BACE2: variants seen among roughly 807,000 people sequenced by gnomAD.
The protein encoded by BACE2 is 56 kDa aspartic-like protease.
Under a neutral mutation model 46.2 loss-of-function variants are expected in BACE2, and 17 were observed. The ratio of observed to expected loss-of-function variants is 0.37; its 90% CI spans 0.25 to 0.55. The LOEUF (loss-of-function observed/expected upper bound fraction) is 0.55, where lower values mean the gene tolerates loss of function less well. Ranked by LOEUF, BACE2 falls within the 20% of genes least tolerant of loss-of-function variation. The pLI is 0.82. For missense variants in BACE2, 595 were observed against 698.1 expected (o/e 0.85, Z 1.66); for synonymous variants, 277 against 295.9 (o/e 0.94, Z 0.66).
intron 1 of BACE2, among the ~76,000 whole-genome samples, chr21:41,210,124 G>A (rs1475274973): frequency 2.0e-5 from 3 of 151,834 alleles, no homozygotes; most frequent in African/African-American, 7.3e-5. Context: ...TTCTTAAAAC[G>A]GGCCTCCTAC....
intron 1 of BACE2, among the ~76,000 whole-genome samples, chr21:41,221,678 A>C (rs1169020649): frequency 2.6e-5 from 4 of 152,024 alleles, no homozygotes; most frequent in Admixed American, 2.6e-4. Flanking sequence ...ATACAAAAAA[A>C]TTAGCTGGGC....
chr21:41,240,822 A>G (rs1987263780), intron 3 of BACE2, among the ~76,000 whole-genome samples: 2 of 152,344 alleles, frequency 1.3e-5, no homozygotes, highest in Middle Eastern at 6.8e-3. Flanking sequence ...GACTACACCA[A>G]TGGGAAGATC....
chr21:41,257,170 C>T lies in BACE2; in HGVS notation c.1147C>T (p.Pro383Ser), dbSNP rs1188645137. ...CTCCGACAAACAGCTTTACATTCAG[C>T]CCATGATGGGGGCCGGCCTGAATTA... is the stretch of plus-strand genomic sequence containing the variant. ...ITILPQLYIQ[P>S]MMGAGLNYEC... The change falls in exon 8 of 9, where the codon CCC (proline) becomes TCC (serine). Residue 383 changes from proline to serine, a missense_variant. Pro to Ser is a moderately conservative substitution (Grantham distance 74). Around this residue, in one of 3 missense-constraint regions of BACE2, gnomAD observed 343 missense variants for 419.4 expected, o/e 0.82. Transcript: ENST00000330333. 2.5e-6 allele frequency: 4 copies of T among 1,614,034 alleles called. No homozygotes were observed. Among genetic ancestry groups the T allele is most frequent in the Non-Finnish European group, 3.4e-6 (4 of 1,180,028 alleles).
intron 1 of BACE2, among the ~76,000 whole-genome samples, chr21:41,224,209 AT>A (rs10658440): frequency 0.052 from 5,140 of 98,670 alleles, 167 homozygotes; most frequent in African/African-American, 0.19. Context: ...GCCTATTTTG[AT>A]TTTTTTTTTT....
At chr21:41,246,108 A>G in intron 6 of BACE2, 45 bp downstream of exon 6, 1 of 1,487,786 alleles carries the variant, frequency 6.7e-7, no homozygotes, top group Non-Finnish European at 9.2e-7. Flanking sequence ...GCTGAGTTAC[A>G]GTCACCTGCT....
chr21:41,258,619 C>G (rs977276759), intron 8 of BACE2, among the ~76,000 whole-genome samples: 4 of 152,102 alleles, frequency 2.6e-5, no homozygotes, highest in African/African-American at 7.2e-5. Flanking sequence ...AGCAGAGTGG[C>G]CTTTCAGAAA....
chr21:41,273,947 C>T (rs750154459), intron 8 of BACE2, among the ~76,000 whole-genome samples: 9 of 152,236 alleles, frequency 5.9e-5, no homozygotes, highest in Admixed American at 2.0e-4. Context: ...CTTCCCGCAA[C>T]AGAAACCTAA....
chr21:41,200,210 A>AC (rs1288365611), intron 1 of BACE2, among the ~76,000 whole-genome samples: 3 of 150,704 alleles, frequency 2.0e-5, no homozygotes, highest in Admixed American at 6.6e-5. Context: ...AACAAAAAAA[A>AC]AACCCAAAAC....
At chr21:41,200,188 A>AT (rs1202915439) in intron 1 of BACE2, among the ~76,000 whole-genome samples, 2 of 149,072 alleles carry the variant, frequency 1.3e-5, no homozygotes, top group South Asian at 2.1e-4. Context: ...TTCAAGTATA[A>AT]TTAAAAAAAA....
intron 6 of BACE2, 43 bp from the exon 7 acceptor site, chr21:41,250,709 G>A: frequency 1.2e-6 from 2 of 1,603,914 alleles, no homozygotes; most frequent in South Asian, 2.2e-5. Flanking sequence ...CTGTTGACGT[G>A]CCAGACTAGT....
intron 1 of BACE2, among the ~76,000 whole-genome samples, chr21:41,221,044 TAA>T (rs59801748): frequency 0.014 from 1,893 of 132,720 alleles, 41 homozygotes; most frequent in African/African-American, 0.048. Flanking sequence ...AAAAGTATAT[TAA>T]AAAAAAAAAA....
chr21:41,188,415 C>G (rs1213764705), intron 1 of BACE2, among the ~76,000 whole-genome samples: 1 of 152,128 alleles, frequency 6.6e-6, no homozygotes, highest in Non-Finnish European at 1.5e-5. Context: ...TGCAAACCAC[C>G]CCAGAGTCCA....
At chr21:41,235,400 T>A (rs559125465) in intron 2 of BACE2, among the ~76,000 whole-genome samples, 1 of 152,382 alleles carries the variant, frequency 6.6e-6, no homozygotes, top group East Asian at 1.9e-4. Flanking sequence ...TTTGCTGTTA[T>A]ACATAAAACA....
At position 41,281,682 on chromosome 21, in the gene BACE2, A is replaced by G. The variant is rs1381561802; in HGVS notation, c.*6058A>G. ...AAACATTAAAAGATTATCTCTTTTTAAGATGGAGGAAAAAAAGTGAACAAA... is the reference window on the plus strand; with the variant it reads ...AAACATTAAAAGATTATCTCTTTTTGAGATGGAGGAAAAAAAGTGAACAAA... On this transcript the variant is annotated 3_prime_UTR_variant, in exon 9 of 9. Coordinates refer to ENST00000330333, the MANE Select transcript of BACE2 (RefSeq NM_012105.5). 1 of 152,244 alleles carries G rather than the reference A, an allele frequency of 6.6e-6. No homozygotes were observed. Among genetic ancestry groups the G allele is most frequent in the Admixed American group, 6.5e-5 (1 of 15,292 alleles). 9.4% of individuals were successfully genotyped at this position (152,244 alleles called of 1,614,324 possible).
chr21:41,215,018 C>G (rs1238828987), intron 1 of BACE2, among the ~76,000 whole-genome samples: 1 of 152,160 alleles, frequency 6.6e-6, no homozygotes, highest in African/African-American at 2.4e-5. Context: ...TGGTCACTTG[C>G]GGCCAGCACT....
chr21:41,170,652 T>C (rs1209927569), intron 1 of BACE2, among the ~76,000 whole-genome samples: 4 of 152,216 alleles, frequency 2.6e-5, no homozygotes, highest in Non-Finnish European at 4.4e-5. Context: ...AGGTGACTTC[T>C]GAACCTGGAG....
chr21:41,243,649 C>G, intron 5 of BACE2, 139 bp downstream of exon 5: 2 of 870,204 alleles, frequency 2.3e-6, no homozygotes, highest in Non-Finnish European at 3.3e-6. Context: ...GATGCAGGGC[C>G]TTGCTGTACA....
chr21:41,216,612 G>C (rs141045888), intron 1 of BACE2, among the ~76,000 whole-genome samples: 1 of 152,206 alleles, frequency 6.6e-6, no homozygotes, highest in Non-Finnish European at 1.5e-5. Flanking sequence ...AACGAGCTCC[G>C]GTCATGAGGC....
In BACE2 at chr21:41,179,464, G is replaced by C. The variant is rs1419989894; in HGVS notation, c.312+10889G>C. 4 of 1,318,418 alleles carry C rather than the reference G, an allele frequency of 3.0e-6. No homozygotes were observed. In the African/African-American group the frequency reaches 4.9e-5, roughly 16 times the overall value. 81.7% of individuals were successfully genotyped at this position (1,318,418 alleles called of 1,614,324 possible). A position where few individuals can be genotyped will look rare whatever the true frequency, so the allele number is the denominator to read the frequency against. ...TGTCCAGGGTGAGTGAGGGTGTCCA[G>C]GGTGCAGAGTGAGGTGTCCAGGGTG... On this transcript the variant is annotated intron_variant, in intron 1 of 8. Coordinates refer to ENST00000330333, the MANE Select transcript of BACE2 (RefSeq NM_012105.5).
Sources: allele counts gnomAD v4.1 joint callset (sites outside exome capture counted in the v4.1 genomes callset), GRCh38; gene constraint gnomAD v4.1.1; regional missense constraint gnomAD v4.1.1; transcripts MANE v1.5; gene names NCBI Gene and HGNC (gene_info 2026-07-23, HGNC 2026-07-21).